The following GMDS variants were observed in gnomAD, a reference collection of about 807,000 sequenced individuals.
GMDS encodes the protein GDP-mannose 4,6 dehydratase.
A neutral mutation model predicts 49.9 loss-of-function variants in GMDS; 20 were observed. That is an observed-to-expected ratio of 0.40 (90% CI 0.28 to 0.58). The LOEUF (loss-of-function observed/expected upper bound fraction) is 0.58, where lower values mean the gene tolerates loss of function less well. Ranked by LOEUF, GMDS falls within the 20% of genes least tolerant of loss-of-function variation. The pLI, the probability that GMDS is intolerant of heterozygous loss-of-function variation, is 0.42. For missense variants in GMDS, 362 were observed against 481.4 expected (o/e 0.75, Z 2.32); for synonymous variants, 177 against 178.6 (o/e 0.99, Z 0.07).
Position 1,987,726 on chromosome 6 carries a change from T to C in GMDS, c.346-26760A>G, listed in dbSNP as rs1338469651. Among the ~76,000 whole-genome samples, 5 of 152,202 alleles carry C rather than the reference T, an allele frequency of 3.3e-5. No homozygotes were observed. The East Asian group carries it at 9.6e-4, about 29-fold the overall frequency. Reference sequence around the variant, plus strand: ...GGTAAAGCTTTTCTAAGCAAAAGAATGAAACATAAAAATGGAAATGTAGTA... The same window carrying C: ...GGTAAAGCTTTTCTAAGCAAAAGAACGAAACATAAAAATGGAAATGTAGTA... On this transcript the variant is annotated intron_variant, in intron 4 of 10. Transcript: ENST00000380815.
intron 9 of GMDS, among the ~76,000 whole-genome samples, chr6:1,678,903 T>C (rs1764702179): frequency 6.6e-6 from 1 of 152,176 alleles, no homozygotes; most frequent in Non-Finnish European, 1.5e-5. Context: ...ATTACAAGGA[T>C]ATTATTACTT....
chr6:1,735,152 C>T (rs920096808), intron 8 of GMDS, among the ~76,000 whole-genome samples: 2 of 152,226 alleles, frequency 1.3e-5, no homozygotes, highest in Non-Finnish European at 2.9e-5. Flanking sequence ...CCAAAACGAC[C>T]AGTGCCCAAG....
chr6:2,014,223 C>T (rs370089917), intron 4 of GMDS, among the ~76,000 whole-genome samples: 45 of 146,356 alleles, frequency 3.1e-4, no homozygotes, highest in East Asian at 2.4e-3. Flanking sequence ...AATTCTTCAG[C>T]GAGAAGGAAA....
At chr6:2,129,829 A>G (rs773233726) in intron 1 of GMDS, among the ~76,000 whole-genome samples, 30 of 152,270 alleles carry the variant, frequency 2.0e-4, no homozygotes, top group South Asian at 4.1e-4. Flanking sequence ...GAGACAGAAT[A>G]TAATAGAAAG....
intron 7 of GMDS, among the ~76,000 whole-genome samples, chr6:1,865,802 A>G (rs1316688554): frequency 6.6e-6 from 1 of 152,164 alleles, no homozygotes; most frequent in African/African-American, 2.4e-5. Context: ...AAAGGCAGTT[A>G]GAAAAATGCT....
intron 7 of GMDS, among the ~76,000 whole-genome samples, chr6:1,909,068 C>T (rs1008859668): frequency 4.6e-5 from 7 of 152,114 alleles, no homozygotes; most frequent in East Asian, 1.9e-4. Context: ...TTAGTCACAC[C>T]GGTCAAGTTA....
intron 1 of GMDS, among the ~76,000 whole-genome samples, chr6:2,199,812 C>T (rs1298165676): frequency 6.6e-6 from 1 of 152,150 alleles, no homozygotes; most frequent in African/African-American, 2.4e-5. Flanking sequence ...GCTTGTTAAC[C>T]ACTTTTCAGC....
intron 1 of GMDS, among the ~76,000 whole-genome samples, chr6:2,189,260 T>G (rs1486564864): frequency 2.6e-5 from 4 of 151,784 alleles, no homozygotes; most frequent in Admixed American, 2.6e-4. Context: ...TACAGGGAGG[T>G]TAGCCAAGCA....
intron 1 of GMDS, among the ~76,000 whole-genome samples, chr6:2,222,224 T>G (rs1471736428): frequency 6.6e-6 from 1 of 152,198 alleles, no homozygotes. Flanking sequence ...GATTGAGTTT[T>G]GGAGCTTCTC....
intron 6 of GMDS, among the ~76,000 whole-genome samples, chr6:1,951,466 T>C (rs1581410494): frequency 6.6e-6 from 1 of 152,202 alleles, no homozygotes; most frequent in African/African-American, 2.4e-5. Context: ...TAAACAGTGC[T>C]AGTACACCAT....
intron 4 of GMDS, among the ~76,000 whole-genome samples, chr6:2,018,006 A>T (rs1185428833): frequency 6.6e-6 from 1 of 152,180 alleles, no homozygotes; most frequent in African/African-American, 2.4e-5. Flanking sequence ...TAAATTTAAA[A>T]TGTTCAACTT....
At chr6:2,039,937 C>A (rs1018836195) in intron 4 of GMDS, among the ~76,000 whole-genome samples, 4 of 152,170 alleles carry the variant, frequency 2.6e-5, no homozygotes, top group Non-Finnish European at 5.9e-5. Context: ...GACTTCTATA[C>A]CACTGGCAGT....
intron 1 of GMDS, among the ~76,000 whole-genome samples, chr6:2,237,662 C>T (rs1003211804): frequency 6.6e-5 from 10 of 151,730 alleles, no homozygotes; most frequent in African/African-American, 2.2e-4. Context: ...CTTGAGATTC[C>T]AGGCGCCCAC....
At chr6:1,795,956 C>T (rs1769718288) in intron 7 of GMDS, among the ~76,000 whole-genome samples, 1 of 152,186 alleles carries the variant, frequency 6.6e-6, no homozygotes, top group African/African-American at 2.4e-5. Context: ...AAGGCGGGGA[C>T]TGGCCAGTTC....
chr6:1,681,070 TACAC>T (rs1262463279), intron 9 of GMDS, among the ~76,000 whole-genome samples: 3 of 151,818 alleles, frequency 2.0e-5, no homozygotes, highest in Admixed American at 6.6e-5. Context: ...TGCTCACACA[TACAC>T]ACACAAGTGC....
chr6:1,906,268 C>T (rs945832564), intron 7 of GMDS, among the ~76,000 whole-genome samples: 20 of 152,152 alleles, frequency 1.3e-4, no homozygotes, highest in African/African-American at 4.8e-4. Flanking sequence ...TTCCCCATTC[C>T]TGCAAATAGT....
intron 7 of GMDS, among the ~76,000 whole-genome samples, chr6:1,843,501 C>T (rs1259851325): frequency 6.6e-6 from 1 of 152,328 alleles, no homozygotes; most frequent in East Asian, 1.9e-4. Flanking sequence ...GGAATGGTGG[C>T]TCACGCCTGT....
intron 7 of GMDS, among the ~76,000 whole-genome samples, chr6:1,808,579 T>C (rs1285906343): frequency 1.3e-5 from 2 of 152,232 alleles, no homozygotes; most frequent in African/African-American, 4.8e-5. Flanking sequence ...CAGTGTTTCA[T>C]ACAGTTTAGT....
intron 4 of GMDS, among the ~76,000 whole-genome samples, chr6:2,028,054 G>T (rs184700968): frequency 2.6e-5 from 4 of 152,088 alleles, no homozygotes; most frequent in Admixed American, 2.6e-4. Flanking sequence ...TAAAGGGCCC[G>T]CCTTAAAAAA....
Sources: allele counts gnomAD v4.1 joint callset (sites outside exome capture counted in the v4.1 genomes callset), GRCh38; gene constraint gnomAD v4.1.1; transcripts MANE v1.5; gene names NCBI Gene and HGNC (gene_info 2026-07-23, HGNC 2026-07-21).